SETD1A: variants seen among roughly 807,000 people sequenced by gnomAD.
SETD1A encodes histone-lysine N-methyltransferase SETD1A.
SETD1A carries 29 observed loss-of-function variants against 149.9 expected under a neutral mutation model. The observed-to-expected ratio is 0.19, with a 90% CI of 0.14 to 0.26. The LOEUF is 0.26. SETD1A is among the 10% of genes least tolerant of loss of function. SETD1A has a pLI of 1.00. For synonymous variants in SETD1A, 1,141 were observed against 968.5 expected, an observed-to-expected ratio of 1.18 and a Z score of -3.31; for missense variants, 2,109 against 2,353.1, an observed-to-expected ratio of 0.90 and a Z score of 2.15.
Position 30,965,100 on chromosome 16 carries a change from G to A in SETD1A, c.1358G>A (p.Arg453Lys). ...GGTGGAGGAGGGCCCAGCCCTGAGA[G>A]AGAAGAAGTTCGGACTTCCCCCCGC... ...GGGGGGPSPE[R>K]EEVRTSPRPA... is the part of the protein sequence containing the mutation. The change falls in exon 7 of 19, where the codon AGA becomes AAA. Residue 453 changes from arginine (R) to lysine (K), a missense_variant. By Grantham distance (26) the Arg-to-Lys change is conservative. Transcript: ENST00000262519. 6.2e-7 allele frequency: 1 copy of A among 1,611,636 alleles called. No individual in the cohort carries two copies. The highest frequency in any genetic ancestry group is 8.5e-7 in the Non-Finnish European group (1 of 1,179,912).
At chr16:30,970,689 TC>T (rs771029693) in intron 12 of SETD1A, among the ~76,000 whole-genome samples, 8 of 152,154 alleles carry the variant, frequency 5.3e-5, no homozygotes, top group Non-Finnish European at 8.8e-5. Flanking sequence ...CCCTGTGACT[TC>T]CCTCCATAAG....
In SETD1A at chr16:30,968,691, C is replaced by T. The variant is rs1424150778; in HGVS notation, c.2771-614C>T. On this transcript the variant is annotated intron_variant, in intron 10 of 18. Transcript: ENST00000262519. ...TGGCGGGTGCCTATAGTCCCAGCTA[C>T]TTGGGAGACTGAGGCAGGAGAATTG... Among the ~76,000 whole-genome samples the T allele has an allele frequency of 2.0e-5, 3 of 151,928 alleles. No homozygotes were observed. The East Asian group carries it at 5.8e-4, about 29-fold the overall frequency.
Position 30,964,336 on chromosome 16 carries a change from C to A in SETD1A, c.869+13C>A. The A allele has an allele frequency of 6.2e-7, 1 of 1,603,464 alleles. No individual in the cohort carries two copies. Among genetic ancestry groups the A allele is most frequent in the South Asian group, 1.1e-5 (1 of 90,782 alleles). ...CCTACTCCAGCAGGTACAGAGCAGA[C>A]CCCGCCTGGGGCCCCGCCCGCAAAG... On this transcript the variant is annotated intron_variant, in intron 6 of 18. Transcript: ENST00000262519.
At chr16:30,960,563 T>C (rs926329286) in intron 3 of SETD1A, among the ~76,000 whole-genome samples, 13 of 152,168 alleles carry the variant, frequency 8.5e-5, no homozygotes, top group African/African-American at 3.1e-4. Context: ...TGTATGTGCA[T>C]GTCATGCTGC....
In SETD1A at chr16:30,958,785, G is replaced by T. The variant is rs765911540; in HGVS notation, c.54G>T (p.Arg18=). 1 of 1,614,152 alleles carries T rather than the reference G, an allele frequency of 6.2e-7. No individual in the cohort carries two copies. Among genetic ancestry groups the T allele is most frequent in the South Asian group, 1.1e-5 (1 of 91,088 alleles). Residue 18 remains arginine, a synonymous_variant, in exon 2 of 19, where the codon CGG becomes CGT. Transcript: ENST00000262519. ...DGQKAPSFQW[R]NYKLIVDPAL... ...AGAAGGCCCCGAGCTTCCAGTGGCGGAACTACAAGCTCATCGTGGATCCTG... is the reference window on the plus strand; with the variant it reads ...AGAAGGCCCCGAGCTTCCAGTGGCGTAACTACAAGCTCATCGTGGATCCTG...
chr16:30,984,348 T>C lies in SETD1A; in HGVS notation c.*325T>C, dbSNP rs6950. 0.57 allele frequency: 165,541 copies of C among 292,182 alleles called. 50,995 individuals are homozygous for C. Among genetic ancestry groups the C allele is most frequent in the East Asian group, 0.91 (12,754 of 13,972 alleles). 18.1% of individuals were successfully genotyped at this position (292,182 alleles called of 1,614,324 possible). On this transcript the variant is annotated 3_prime_UTR_variant, in exon 19 of 19. Coordinates refer to ENST00000262519, the MANE Select transcript of SETD1A (RefSeq NM_014712.3). ...GTCCTGGGGGGCTACACAGTCCTCT[T>C]GCTTTGTGTTAATGGGGACTTCCCC... is the stretch of plus-strand genomic sequence containing the variant.
rs1404505446 is a variant in SETD1A at position 30,965,233 on chromosome 16, G to A, written c.1491G>A (p.Lys497=). The A allele has an allele frequency of 1.9e-6, 3 of 1,614,136 alleles. No homozygotes were observed. ...SLDSRIEMLL[K]EQRSKFSFLA... ...ATTCCCGCATCGAGATGCTGCTGAA[G>A]GAGCAGCGCTCCAAGTTTTCCTTCT... Residue 497 remains lysine, a synonymous_variant, in exon 7 of 19, where the codon AAG becomes AAA. Transcript: ENST00000262519.
rs2056357144 is a variant in SETD1A, at chr16:30,980,413, G to A, written c.4409-72G>A. Reference sequence around the variant, plus strand: ...TCACCTGGGTATGCTCAGCGGCGTGGGCCCCGCCCTCTCCTTTGGCTGGGA... The same window carrying A: ...TCACCTGGGTATGCTCAGCGGCGTGAGCCCCGCCCTCTCCTTTGGCTGGGA... On this transcript the variant is annotated intron_variant, in intron 14 of 18. Transcript: ENST00000262519. The surrounding 1 kb of genome is among the most constrained non-coding windows in gnomAD (Gnocchi z 7.7). The A allele has an allele frequency of 6.5e-7, 1 of 1,539,666 alleles. No individual in the cohort carries two copies. The highest frequency in any genetic ancestry group is 1.4e-5 in the African/African-American group (1 of 72,898).
chr16:30,961,344 C>T lies in SETD1A; in HGVS notation c.324C>T (p.Thr108=). 5 of 1,614,182 alleles carry T rather than the reference C, an allele frequency of 3.1e-6. No individual in the cohort carries two copies. Among genetic ancestry groups the T allele is most frequent in the East Asian group, 2.2e-5 (1 of 44,888 alleles). ...GGCTGAATGACAACGTGCGGGAGAC[C>T]TTCCTGAAGGATATGTGCCGTAAGT... ...FARLNDNVRE[T]FLKDMCRKYG... is the part of the protein sequence containing the mutation. Residue 108 remains threonine (T), a synonymous_variant, in exon 4 of 19, where the codon ACC becomes ACT. Coordinates refer to ENST00000262519, the MANE Select transcript of SETD1A (RefSeq NM_014712.3). This position sits in a 1 kb window ranked among gnomAD's most constrained non-coding sequence, Gnocchi z 4.0.
chr16:30,960,709 T>A (rs1009507763), intron 3 of SETD1A, among the ~76,000 whole-genome samples: 1 of 109,008 alleles, frequency 9.2e-6, no homozygotes, highest in South Asian at 2.6e-4. Context: ...TTCCTCAGTG[T>A]GTACATTTCT....
At chr16:30,970,203 A>G (rs991346984) in intron 12 of SETD1A, among the ~76,000 whole-genome samples, 1 of 151,204 alleles carries the variant, frequency 6.6e-6, no homozygotes, top group African/African-American at 2.4e-5. Flanking sequence ...TCCTGAGCTC[A>G]GGCGATCCAC....
At chr16:30,973,346 G>T (rs980637599) in intron 13 of SETD1A, among the ~76,000 whole-genome samples, 8 of 152,134 alleles carry the variant, frequency 5.3e-5, no homozygotes. Flanking sequence ...TATGGTGATA[G>T]CTTGGACTTA....
chr16:30,959,746 C>T (rs1042754191), intron 3 of SETD1A, among the ~76,000 whole-genome samples: 1 of 141,892 alleles, frequency 7.0e-6, no homozygotes, highest in African/African-American at 2.6e-5. Flanking sequence ...CTTCATTCTT[C>T]TTCTTCTTTT....
At chr16:30,970,910 A>G (rs1031973937) in intron 12 of SETD1A, among the ~76,000 whole-genome samples, 1 of 152,228 alleles carries the variant, frequency 6.6e-6, no homozygotes, top group African/African-American at 2.4e-5. Context: ...GTACATGAGC[A>G]GTCTCAGAAT....
In SETD1A at chr16:30,980,460, C is replaced by CTTAAGGA. The variant is rs1351592725; in HGVS notation, c.4409-25_4409-24insTTAAGGA. ...GGGACGCAGGTGGCCAGAGAGGAGCCGTTCTCTTCCTTAACACCCTGCACT... is the reference window on the plus strand; with the variant it reads ...GGGACGCAGGTGGCCAGAGAGGAGCCTTAAGGAGTTCTCTTCCTTAACACCCTGCACT... On this transcript the variant is annotated intron_variant, in intron 14 of 18. Coordinates refer to ENST00000262519, the MANE Select transcript of SETD1A (RefSeq NM_014712.3). This position sits in a 1 kb window ranked among gnomAD's most constrained non-coding sequence, Gnocchi z 7.7. The CTTAAGGA allele has an allele frequency of 3.2e-5, 51 of 1,597,344 alleles. No individual in the cohort carries two copies. Among genetic ancestry groups the CTTAAGGA allele is most frequent in the Non-Finnish European group, 4.2e-5 (49 of 1,170,396 alleles).
chr16:30,962,300 A>T (rs183868722), intron 4 of SETD1A, among the ~76,000 whole-genome samples: 2 of 152,246 alleles, frequency 1.3e-5, no homozygotes, highest in Admixed American at 6.5e-5. Flanking sequence ...CCTGACCTCA[A>T]GTGATCTGCC....
At position 30,961,770 on chromosome 16, in the gene SETD1A, T is replaced by TAA. The variant is rs112861038; in HGVS notation, c.517+247_517+248dup. ...CCATAATCAAGCACATAACTATCTG[T>TAA]AAAAAAAAAAAAAAATCATATGAAG... On this transcript the variant is annotated intron_variant, in intron 4 of 18. Transcript: ENST00000262519. The surrounding 1 kb of genome is among the most constrained non-coding windows in gnomAD (Gnocchi z 4.0). Among the ~76,000 whole-genome samples the TAA allele has an allele frequency of 2.1e-5, 3 of 140,820 alleles. No individual in the cohort carries two copies. Among genetic ancestry groups the TAA allele is most frequent in the South Asian group, 2.2e-4 (1 of 4,500 alleles). The allele number at this position is 140,820 out of a possible 152,430, so 92.4% of individuals were successfully genotyped here. A position where few individuals can be genotyped will look rare whatever the true frequency, so the allele number is the denominator to read the frequency against.
intron 6 of SETD1A, 120 bp downstream of exon 6, chr16:30,964,443 TG>T: frequency 1.5e-6 from 2 of 1,332,932 alleles, no homozygotes; most frequent in Non-Finnish European, 2.1e-6. Flanking sequence ...AGTTTCTCTG[TG>T]GATTCAGTCA....
intron 13 of SETD1A, among the ~76,000 whole-genome samples, chr16:30,978,748 A>G (rs887438140): frequency 6.6e-6 from 1 of 152,266 alleles, no homozygotes; most frequent in African/African-American, 2.4e-5. Flanking sequence ...GGTCCTTGGC[A>G]TGTGACATGG....
Sources: gnomAD v4.1 joint callset for allele counts (sites outside exome capture counted in the v4.1 genomes callset) on GRCh38, gnomAD v4.1.1 for gene constraint, Gnocchi (gnomAD v3.1) non-coding constraint, MANE v1.5 for transcripts, NCBI Gene and HGNC (gene_info 2026-07-23, HGNC 2026-07-21) for gene names.